Variants in GRIN2A observed in about 807,000 individuals in gnomAD.
GRIN2A encodes glutamate receptor ionotropic, NMDA 2A.
A neutral mutation model predicts 113.4 loss-of-function variants in GRIN2A; 22 were observed. The ratio of observed to expected loss-of-function variants is 0.19; its 90% confidence interval spans 0.14 to 0.28. GRIN2A has a LOEUF of 0.28. Ranked by LOEUF, GRIN2A falls within the 10% of genes least tolerant of loss-of-function variation. The probability of loss-of-function intolerance (pLI) is 1.00; values close to 1 mark genes in which losing one functional copy is unlikely to be tolerated. For synonymous variants in GRIN2A, 827 were observed against 738.4 expected, an observed-to-expected ratio of 1.12 and a Z score of -1.94; for missense variants, 1,502 against 1,887.0, an observed-to-expected ratio of 0.80 and a Z score of 3.78.
chr16:10,138,482 T>C (rs1004760161), intron 2 of GRIN2A, among the ~76,000 whole-genome samples: 5 of 152,114 alleles, frequency 3.3e-5, no homozygotes, highest in Non-Finnish European at 7.3e-5. Context: ...TGACACACAC[T>C]TTTAAACCAT....
rs150524963 is a variant in GRIN2A, at chr16:10,108,409, G to T, written c.414+71589C>A. On this transcript the variant is annotated intron_variant, in intron 2 of 12. Transcript: ENST00000330684. ...CTCCCACAACATGTGGGAATTGTGG[G>T]AGTTAAAATTCAAGATGAGATTTGA... Among the ~76,000 whole-genome samples the T allele has an allele frequency of 3.4e-3, 516 of 152,268 alleles. 5 individuals carry two copies. The highest frequency in any genetic ancestry group is 0.012 in the African/African-American group (479 of 41,552).
intron 2 of GRIN2A, among the ~76,000 whole-genome samples, chr16:9,960,766 A>C (rs2045422509): frequency 6.6e-6 from 1 of 152,222 alleles, no homozygotes; most frequent in Non-Finnish European, 1.5e-5. Flanking sequence ...CAGGGACTAC[A>C]GGTGTGTTCC....
At chr16:9,965,588 T>A (rs911967738) in intron 2 of GRIN2A, among the ~76,000 whole-genome samples, 6 of 152,156 alleles carry the variant, frequency 3.9e-5, no homozygotes, top group Non-Finnish European at 5.9e-5. Context: ...GCAGGCTCCA[T>A]GAGAGCAAGG....
At chr16:10,088,465 G>T (rs2142074600) in intron 2 of GRIN2A, among the ~76,000 whole-genome samples, 1 of 152,288 alleles carries the variant, frequency 6.6e-6, no homozygotes, top group South Asian at 2.1e-4. Context: ...GAGTGAGGAT[G>T]GCAGACACAA....
intron 4 of GRIN2A, among the ~76,000 whole-genome samples, chr16:9,855,307 G>A (rs1038198832): frequency 8.5e-5 from 13 of 152,126 alleles, no homozygotes; most frequent in Admixed American, 2.6e-4. Flanking sequence ...CTGTTATGAG[G>A]CTTACTTATA....
intron 2 of GRIN2A, among the ~76,000 whole-genome samples, chr16:10,175,759 C>T (rs1057513096): frequency 1.3e-5 from 2 of 152,138 alleles, no homozygotes; most frequent in African/African-American, 2.4e-5. Context: ...AAAATCTGAG[C>T]CTCGTCTTTT....
intron 2 of GRIN2A, chr16:10,179,704 G>A (rs2050219729): frequency 6.6e-6 from 3 of 453,996 alleles, no homozygotes; most frequent in East Asian, 4.1e-5. Context: ...TGCCACCACC[G>A]CCACCACCAC....
At chr16:10,114,316 T>C (rs2048686080) in intron 2 of GRIN2A, among the ~76,000 whole-genome samples, 1 of 152,192 alleles carries the variant, frequency 6.6e-6, no homozygotes. Flanking sequence ...GGGAGCCTGC[T>C]TGGAAACTCA....
chr16:9,880,513 A>G (rs1267615774), intron 4 of GRIN2A, among the ~76,000 whole-genome samples: 2 of 152,120 alleles, frequency 1.3e-5, no homozygotes, highest in African/African-American at 4.8e-5. Context: ...GAGTAATTCA[A>G]AGTCAACTGA....
chr16:9,946,249 C>T (rs1172797032), intron 2 of GRIN2A, among the ~76,000 whole-genome samples: 3 of 152,168 alleles, frequency 2.0e-5, no homozygotes, highest in South Asian at 2.1e-4. Flanking sequence ...TCTGACTCCA[C>T]GCTTCCAAAC....
intron 3 of GRIN2A, among the ~76,000 whole-genome samples, chr16:9,901,021 TG>T (rs1457431912): frequency 6.6e-6 from 1 of 152,230 alleles, no homozygotes; most frequent in Non-Finnish European, 1.5e-5. Flanking sequence ...TGAGATGATA[TG>T]GATCAATTGA....
intron 2 of GRIN2A, among the ~76,000 whole-genome samples, chr16:10,072,784 TAAC>T (rs1165292356): frequency 6.7e-6 from 1 of 149,684 alleles, no homozygotes; most frequent in Admixed American, 6.6e-5. Context: ...TCCACATATT[TAAC>T]AAGTTATCTG....
At chr16:9,901,750 G>A (rs1403048676) in intron 3 of GRIN2A, among the ~76,000 whole-genome samples, 3 of 152,082 alleles carry the variant, frequency 2.0e-5, no homozygotes, top group South Asian at 4.2e-4. Flanking sequence ...CACATCCCAC[G>A]CCTGACCAGG....
chr16:9,964,321 A>T, intron 2 of GRIN2A, among the ~76,000 whole-genome samples: 1 of 152,180 alleles, frequency 6.6e-6, no homozygotes, highest in East Asian at 1.9e-4. Flanking sequence ...GACCTTGCAC[A>T]ATTACTCAGC....
chr16:9,788,483 C>G (rs1400076692), intron 11 of GRIN2A, among the ~76,000 whole-genome samples: 1 of 151,982 alleles, frequency 6.6e-6, no homozygotes, highest in Admixed American at 6.6e-5. Flanking sequence ...GTCTCAAACT[C>G]CTAACCTCGA....
intron 2 of GRIN2A, among the ~76,000 whole-genome samples, chr16:9,956,770 T>G (rs967771454): frequency 6.6e-6 from 1 of 152,198 alleles, no homozygotes; most frequent in Non-Finnish European, 1.5e-5. Flanking sequence ...ATTTAGATGG[T>G]TGAAGACTTC....
intron 2 of GRIN2A, among the ~76,000 whole-genome samples, chr16:10,038,884 C>A (rs1443129969): frequency 1.3e-5 from 2 of 151,274 alleles, no homozygotes; most frequent in East Asian, 3.9e-4. Context: ...ACAAAAAAAA[C>A]AAAAACCCAC....
chr16:9,950,018 A>C (rs1039683031), intron 2 of GRIN2A, among the ~76,000 whole-genome samples: 1 of 152,146 alleles, frequency 6.6e-6, no homozygotes, highest in African/African-American at 2.4e-5. Flanking sequence ...TGAAGGCAGG[A>C]AAGTAATAAA....
intron 1 of GRIN2A, among the ~76,000 whole-genome samples, chr16:10,181,215 A>G (rs531326746): frequency 9.4e-5 from 8 of 85,028 alleles, no homozygotes; most frequent in Non-Finnish European, 2.1e-4. Flanking sequence ...ACACACGCAC[A>G]CACACATGTT....
Sources: gnomAD v4.1 joint callset for allele counts (sites outside exome capture counted in the v4.1 genomes callset) on GRCh38, gnomAD v4.1.1 for gene constraint, MANE v1.5 for transcripts, NCBI Gene and HGNC (gene_info 2026-07-23, HGNC 2026-07-21) for gene names.